Variants in CDH13 observed in about 807,000 individuals in gnomAD.
CDH13 encodes the protein cadherin 13, also known as cadherin-13.
A neutral mutation model predicts 63.8 loss-of-function variants in CDH13; 24 were observed. The ratio of observed to expected loss-of-function variants is 0.38; its 90% CI spans 0.27 to 0.53. The LOEUF is 0.53. Ranked by LOEUF, CDH13 falls within the 20% of genes least tolerant of loss-of-function variation. The probability of loss-of-function intolerance (pLI) is 0.85; values close to 1 mark genes in which losing one functional copy is unlikely to be tolerated. For missense variants in CDH13, 1,049 were observed against 903.1 expected (o/e 1.16, Z -2.07); for synonymous variants, 503 against 355.3 (o/e 1.42, Z -4.67).
chr16:82,691,699 C>A (rs1247494639), intron 1 of CDH13, among the ~76,000 whole-genome samples: 1 of 152,098 alleles, frequency 6.6e-6, no homozygotes, highest in Non-Finnish European at 1.5e-5. Context: ...CTGTGATAAC[C>A]TTTCCTCGGG....
chr16:82,645,904 G>A (rs1170183704), intron 1 of CDH13, among the ~76,000 whole-genome samples: 3 of 152,346 alleles, frequency 2.0e-5, no homozygotes, highest in South Asian at 2.1e-4. Flanking sequence ...ATGTGAAGAC[G>A]AGATTGCTGA....
chr16:83,341,503 TC>T (rs1567604081), intron 5 of CDH13, among the ~76,000 whole-genome samples: 1 of 152,216 alleles, frequency 6.6e-6, no homozygotes, highest in Non-Finnish European at 1.5e-5. Flanking sequence ...TTCATCCACA[TC>T]ATTAATAAGA....
intron 4 of CDH13, among the ~76,000 whole-genome samples, chr16:83,215,602 CG>C (rs1206207517): frequency 1.7e-4 from 25 of 147,754 alleles, no homozygotes; most frequent in Non-Finnish European, 3.0e-5. Context: ...TGTCAGACAT[CG>C]GAATTGCAGG....
At chr16:82,958,978 A>T (rs1215649316) in intron 2 of CDH13, among the ~76,000 whole-genome samples, 1 of 152,226 alleles carries the variant, frequency 6.6e-6, no homozygotes, top group Non-Finnish European at 1.5e-5. Flanking sequence ...CAAATTTACA[A>T]CGTGCTTAGA....
At chr16:82,643,428 A>C (rs1249102832) in intron 1 of CDH13, among the ~76,000 whole-genome samples, 2 of 152,222 alleles carry the variant, frequency 1.3e-5, no homozygotes, top group Non-Finnish European at 2.9e-5. Context: ...CGGAAGCAGA[A>C]CGATGTTGAG....
chr16:82,705,082 A>C (rs1291710242), intron 1 of CDH13: 1 of 455,402 alleles, frequency 2.2e-6, no homozygotes, highest in African/African-American at 2.0e-5. Context: ...GGCCTACCAT[A>C]TACCTATGTC....
chr16:83,103,973 T>C (rs372918388), intron 3 of CDH13, among the ~76,000 whole-genome samples: 6 of 152,218 alleles, frequency 3.9e-5, no homozygotes, highest in African/African-American at 1.4e-4. Flanking sequence ...ATAGCTGGTA[T>C]GCTGACAATT....
At chr16:83,634,117 C>G (rs12597090) in intron 8 of CDH13, among the ~76,000 whole-genome samples, 3,303 of 77,006 alleles carry the variant, frequency 0.043, 100 homozygotes, top group East Asian at 0.18. Context: ...TGTGTGTTTT[C>G]TGTGTGTGTG....
chr16:83,532,790 G>A (rs897169490), intron 7 of CDH13, among the ~76,000 whole-genome samples: 13 of 152,192 alleles, frequency 8.5e-5, no homozygotes, highest in African/African-American at 3.1e-4. Flanking sequence ...TTGCACTAGA[G>A]CAGTTGTCCC....
intron 3 of CDH13, among the ~76,000 whole-genome samples, chr16:83,063,563 T>C (rs921396297): frequency 6.6e-6 from 1 of 152,230 alleles, no homozygotes; most frequent in Non-Finnish European, 1.5e-5. Context: ...GCTGAAGATA[T>C]AGCTGTAGTT....
intron 10 of CDH13, among the ~76,000 whole-genome samples, chr16:83,741,427 G>A (rs529538318): frequency 6.0e-5 from 9 of 151,158 alleles, no homozygotes; most frequent in South Asian, 4.2e-4. Context: ...CTCTCCTTTC[G>A]TAGTTTTTAT....
At chr16:82,744,970 A>G (rs1258491752) in intron 1 of CDH13, among the ~76,000 whole-genome samples, 1 of 152,188 alleles carries the variant, frequency 6.6e-6, no homozygotes, top group Non-Finnish European at 1.5e-5. Flanking sequence ...CATAGGTAGC[A>G]TTGACAGAGT....
intron 1 of CDH13, among the ~76,000 whole-genome samples, chr16:82,834,058 C>T (rs1386981976): frequency 2.0e-5 from 3 of 152,190 alleles, no homozygotes; most frequent in Admixed American, 6.5e-5. Context: ...CAGCGCTAGC[C>T]AGCTCATCTG....
At chr16:83,293,801 A>G (rs1447330691) in intron 5 of CDH13, among the ~76,000 whole-genome samples, 1 of 152,212 alleles carries the variant, frequency 6.6e-6, no homozygotes, top group Admixed American at 6.5e-5. Flanking sequence ...AGTGTTTCTC[A>G]GCTACAGTTT....
At chr16:83,026,980 T>C (rs1308963109) in intron 2 of CDH13, among the ~76,000 whole-genome samples, 1 of 152,082 alleles carries the variant, frequency 6.6e-6, no homozygotes, top group Non-Finnish European at 1.5e-5. Flanking sequence ...AGAGCATAGC[T>C]GAGTTCTTCA....
chr16:83,349,460 G>A (rs141964990), intron 6 of CDH13, among the ~76,000 whole-genome samples: 1 of 152,126 alleles, frequency 6.6e-6, no homozygotes, highest in South Asian at 2.1e-4. Flanking sequence ...GGCATGTCAG[G>A]CTCCCACAGA....
chr16:83,384,515 G>A (rs993341894), intron 6 of CDH13, among the ~76,000 whole-genome samples: 1 of 152,246 alleles, frequency 6.6e-6, no homozygotes, highest in Non-Finnish European at 1.5e-5. Flanking sequence ...AACACCTTGA[G>A]CTGCCCCAAG....
intron 3 of CDH13, among the ~76,000 whole-genome samples, chr16:83,104,040 T>G (rs2034643351): frequency 6.6e-6 from 1 of 152,232 alleles, no homozygotes; most frequent in South Asian, 2.1e-4. Flanking sequence ...TTGCTGTATT[T>G]GCCAATGCAG....
At chr16:83,513,272 C>T (rs761330257) in intron 7 of CDH13, among the ~76,000 whole-genome samples, 6 of 152,122 alleles carry the variant, frequency 3.9e-5, no homozygotes, top group Non-Finnish European at 7.3e-5. Context: ...GCTGACTCAG[C>T]CCCTGACCAC....
Sources: gnomAD v4.1 joint callset for allele counts (sites outside exome capture counted in the v4.1 genomes callset) on GRCh38, gnomAD v4.1.1 for gene constraint, MANE v1.5 for transcripts, NCBI Gene and HGNC (gene_info 2026-07-23, HGNC 2026-07-21) for gene names.